CACNA1G: variants seen among roughly 807,000 people sequenced by gnomAD.
The protein encoded by CACNA1G is voltage-dependent T-type calcium channel subunit alpha-1G.
In CACNA1G, 67 loss-of-function variants were observed where a neutral mutation model predicts 219.4. The observed-to-expected ratio is 0.31, with a 90% CI of 0.25 to 0.37. CACNA1G has a LOEUF of 0.37. Ranked by LOEUF, CACNA1G falls within the 10% of genes least tolerant of loss-of-function variation. The probability of loss-of-function intolerance (pLI) is 1.00; values close to 1 mark genes in which losing one functional copy is unlikely to be tolerated. For missense variants in CACNA1G, 2,380 were observed against 3,231.4 expected, an observed-to-expected ratio of 0.74 and a Z score of 6.39; for synonymous variants, 1,296 against 1,345.3, an observed-to-expected ratio of 0.96 and a Z score of 0.80.
In CACNA1G at chr17:50,576,035, G is replaced by C. The variant is rs778799229; in HGVS notation, c.1633G>C (p.Ala545Pro). 369 of 1,569,926 alleles carry C rather than the reference G, an allele frequency of 2.4e-4. 2 individuals carry two copies. Among genetic ancestry groups the C allele is most frequent in the Admixed American group, 1.3e-4 (7 of 54,038 alleles). ...PPPSTPALSG[A>P]PPGGAESVHS... ...ACCCTCGACGCCTGCCCTCTCCGGG[G>C]CCCCCCCTGGTGGCGCAGAGTCTGT... Residue 545 changes from alanine to proline, a missense_variant, in exon 8 of 38, where the codon GCC becomes CCC. Ala to Pro is a conservative substitution (Grantham distance 27, BLOSUM62 -1). This residue lies in a region of CACNA1G where 434 missense variants were observed against 417.3 expected (regional missense o/e 1.04). Coordinates refer to ENST00000359106, the MANE Select transcript of CACNA1G (RefSeq NM_018896.5).
intron 35 of CACNA1G, among the ~76,000 whole-genome samples, chr17:50,623,113 T>TTTTTTA (rs869105715): frequency 2.4e-5 from 3 of 125,016 alleles, no homozygotes; most frequent in African/African-American, 8.9e-5. Flanking sequence ...TTTTTTTTTT[T>TTTTTTA]GAGACAGGGT....
rs2144717914 is a variant in CACNA1G, at chr17:50,571,320, C to G, written c.587-558C>G. On this transcript the variant is annotated intron_variant, in intron 4 of 37. Transcript: ENST00000359106. This position sits in a 1 kb window ranked among gnomAD's most constrained non-coding sequence, Gnocchi z 4.3. ...GAGATTCCTGCCTGCTGTCATTCCT[C>G]CTGGAGTTCGCTGCCTCAGTTTCCC... Among the ~76,000 whole-genome samples the G allele has an allele frequency of 6.6e-6, 1 of 152,286 alleles. No individual in the cohort carries two copies. Among genetic ancestry groups the G allele is most frequent in the South Asian group, 2.1e-4 (1 of 4,828 alleles).
Position 50,599,543 on chromosome 17 carries a change from G to C in CACNA1G, c.3374G>C (p.Ser1125Thr). 2 of 1,612,880 alleles carry C rather than the reference G, an allele frequency of 1.2e-6. No homozygotes were observed. Among genetic ancestry groups the C allele is most frequent in the Non-Finnish European group, 1.7e-6 (2 of 1,179,530 alleles). Residue 1125 changes from serine to threonine, a missense_variant, in exon 17 of 38, where the codon AGT becomes ACT. Around this residue, in one of 17 missense-constraint regions of CACNA1G, gnomAD observed 418 missense variants for 434.3 expected, o/e 0.96. Transcript: ENST00000359106. ...CCCAGCCTGAAGCGGAGAAGCCCAA[G>C]TGGAGAGCGGCGGTCCCTGTTGTCG... ...RAPSLKRRSP[S>T]GERRSLLSGE...
intron 23 of CACNA1G, 22 bp from the exon 24 acceptor site, chr17:50,606,878 T>A (rs1255830669): frequency 6.3e-7 from 1 of 1,582,514 alleles, no homozygotes; most frequent in Non-Finnish European, 8.7e-7. Context: ...TTCAAATGTC[T>A]CCTTCTCCTC....
rs201788352 is a variant in CACNA1G, at chr17:50,575,873, G to A, written c.1471G>A (p.Val491Ile). Residue 491 changes from valine to isoleucine, a missense_variant, in exon 8 of 38, where the codon GTC becomes ATC. By Grantham distance (29) the Val-to-Ile change is conservative. Transcript: ENST00000359106. ...SCSRSHRRLS[V>I]HHLVHHHHHH... ...CTCTCGCTCCCACCGCCGCCTATCC[G>A]TCCACCACCTGGTGCACCACCACCA... 267 of 1,553,122 alleles carry A rather than the reference G, an allele frequency of 1.7e-4. 1 individual carries two copies. Among genetic ancestry groups the A allele is most frequent in the Non-Finnish European group, 2.1e-4 (245 of 1,149,718 alleles).
chr17:50,600,975 A>G lies in CACNA1G; in HGVS notation c.3792-76A>G. 1 of 1,593,442 alleles carries G rather than the reference A, an allele frequency of 6.3e-7. No homozygotes were observed. Among genetic ancestry groups the G allele is most frequent in the Non-Finnish European group, 8.6e-7 (1 of 1,167,126 alleles). On this transcript the variant is annotated intron_variant, in intron 18 of 37. Transcript: ENST00000359106. The surrounding 1 kb of genome is among the most constrained non-coding windows in gnomAD (Gnocchi z 4.1). ...TCAGCTGGGAGGGCACTGGAGGGGCAGGGGCTGCGGGCGGTGCCTCTCGTT... is the reference window on the plus strand; with the variant it reads ...TCAGCTGGGAGGGCACTGGAGGGGCGGGGGCTGCGGGCGGTGCCTCTCGTT...
chr17:50,599,073 T>G (rs2145737514), intron 16 of CACNA1G, among the ~76,000 whole-genome samples: 2 of 152,304 alleles, frequency 1.3e-5, no homozygotes. Context: ...TTTGCCCATT[T>G]TTTAGATTGG....
chr17:50,599,438 G>T lies in CACNA1G; in HGVS notation c.3269G>T (p.Arg1090Leu). The change falls in exon 17 of 38, where the codon CGC (arginine) becomes CTC (leucine). Residue 1090 changes from arginine to leucine, a missense_variant. Arg to Leu is a moderately radical substitution (Grantham distance 102). Around this residue, in one of 17 missense-constraint regions of CACNA1G, gnomAD observed 418 missense variants for 434.3 expected, o/e 0.96. Transcript: ENST00000359106. ...CCTGCTCACCCACAGCCCAGCGCCC[G>T]CAGCTCTCCGCACAGCCCCTGGAGC... ...AHEMKSPPSA[R>L]SSPHSPWSAA... The T allele has an allele frequency of 1.9e-6, 3 of 1,549,428 alleles. No homozygotes were observed. Among genetic ancestry groups the T allele is most frequent in the Non-Finnish European group, 2.6e-6 (3 of 1,147,460 alleles).
At chr17:50,616,239 T>G (rs771219356) in intron 27 of CACNA1G, 36 bp from the exon 28 acceptor site, 9 of 1,376,766 alleles carry the variant, frequency 6.5e-6, no homozygotes, top group Non-Finnish European at 9.3e-6. Flanking sequence ...GCCCTGGGCC[T>G]TAAGGGACCC....
Position 50,596,561 on chromosome 17 carries a change from G to A in CACNA1G, c.2980-1G>A, listed in dbSNP as rs770279689. ...AATGGTCCGCTGCTCCCCTGCCCTA[G>A]GGAGATGCCAACAAGTCCGAATCAG... On this transcript the variant is annotated splice_acceptor_variant, in intron 14 of 37. Transcript: ENST00000359106. LOFTEE classifies it high-confidence loss of function. This position sits in a 1 kb window ranked among gnomAD's most constrained non-coding sequence, Gnocchi z 4.8. The A allele has an allele frequency of 1.2e-6, 2 of 1,613,810 alleles. No individual in the cohort carries two copies. The highest frequency in any genetic ancestry group is 8.5e-7 in the Non-Finnish European group (1 of 1,179,750).
chr17:50,594,852 C>G (rs535044382), intron 13 of CACNA1G, 141 bp from the exon 14 acceptor site: 7 of 632,610 alleles, frequency 1.1e-5, no homozygotes, highest in South Asian at 5.5e-5. Context: ...TCTCTGCCCC[C>G]CCATTCCCCG....
chr17:50,606,220 G>T, intron 23 of CACNA1G, 197 bp downstream of exon 23: 1 of 790,988 alleles, frequency 1.3e-6, no homozygotes, highest in Non-Finnish European at 2.3e-6. Context: ...GGGCCCATGG[G>T]GTCTCTAGCC....
At position 50,602,263 on chromosome 17, in the gene CACNA1G, G is replaced by A. The variant is rs371197335; in HGVS notation, c.3916-557G>A. Among the ~76,000 whole-genome samples the A allele has an allele frequency of 3.9e-5, 6 of 152,266 alleles. 1 individual carries two copies. The highest frequency in any genetic ancestry group is 4.4e-5 in the Non-Finnish European group (3 of 68,014). On this transcript the variant is annotated intron_variant, in intron 19 of 37. Transcript: ENST00000359106. ...GCCCGCCACCTCTCTAGAGATCTGC[G>A]CCTGCCTCCTGGCCACCCAGGGAGG...
At chr17:50,565,938 C>T (rs2037709804) in intron 1 of CACNA1G, among the ~76,000 whole-genome samples, 1 of 152,152 alleles carries the variant, frequency 6.6e-6, no homozygotes, top group African/African-American at 2.4e-5. Flanking sequence ...CTCCTACCCC[C>T]TCTTTGGGAT....
rs1347907122 is a variant in CACNA1G at position 50,575,753 on chromosome 17, C to T, written c.1351C>T (p.Leu451=). The change falls in exon 8 of 38, where the codon CTG becomes TTG. Residue 451 remains leucine (L), a synonymous_variant. Transcript: ENST00000359106. ...CATCCTTCGTAAGGCAGCCCGCAGG[C>T]TGGCTCAGGTCTCTCGGGCAGCAGG... ...VYILRKAARR[L]AQVSRAAGVR... 7.6e-6 allele frequency: 12 copies of T among 1,569,148 alleles called. No homozygotes were observed. The highest frequency in any genetic ancestry group is 1.0e-5 in the Non-Finnish European group (12 of 1,157,344).
chr17:50,615,311 C>A, intron 26 of CACNA1G, 50 bp from the exon 27 acceptor site: 2 of 1,017,936 alleles, frequency 2.0e-6, no homozygotes, highest in Non-Finnish European at 2.6e-6. Context: ...TGGAGGGGTG[C>A]GGGGGGCAGG....
chr17:50,579,436 G>T (rs551082858), intron 9 of CACNA1G, among the ~76,000 whole-genome samples: 2 of 152,106 alleles, frequency 1.3e-5, no homozygotes, highest in Non-Finnish European at 2.9e-5. Flanking sequence ...GAAGATGCCC[G>T]CTTGTTGGGG....
At chr17:50,579,705 C>T (rs529143782) in intron 9 of CACNA1G, among the ~76,000 whole-genome samples, 4 of 152,252 alleles carry the variant, frequency 2.6e-5, no homozygotes, top group Admixed American at 6.5e-5. Context: ...TGGTTTGGAA[C>T]GAAGGCCATG....
chr17:50,571,351 ACT>A lies in CACNA1G; in HGVS notation c.587-524_587-523del, dbSNP rs2039399299. On this transcript the variant is annotated intron_variant, in intron 4 of 37. Coordinates refer to ENST00000359106, the MANE Select transcript of CACNA1G (RefSeq NM_018896.5). This position sits in a 1 kb window ranked among gnomAD's most constrained non-coding sequence, Gnocchi z 4.3. ...GTTCGCTGCCTCAGTTTCCCTAATGACTCTGGTGGTGATAACTTAGAAAGGTC... is the reference window on the plus strand; with the variant it reads ...GTTCGCTGCCTCAGTTTCCCTAATGACTGGTGGTGATAACTTAGAAAGGTC... Among the ~76,000 whole-genome samples the A allele has an allele frequency of 1.3e-5, 2 of 152,126 alleles. No homozygotes were observed. Among genetic ancestry groups the A allele is most frequent in the Admixed American group, 6.5e-5 (1 of 15,284 alleles).
Sources: gnomAD v4.1 joint callset for allele counts (sites outside exome capture counted in the v4.1 genomes callset) on GRCh38, gnomAD v4.1.1 for gene constraint, gnomAD v4.1.1 regional missense constraint, Gnocchi (gnomAD v3.1) non-coding constraint, MANE v1.5 for transcripts, NCBI Gene and HGNC (gene_info 2026-07-23, HGNC 2026-07-21) for gene names.